The following CTU1 variants were observed in gnomAD, a reference collection of about 807,000 sequenced individuals.
CTU1 encodes the protein cytosolic thiouridylase subunit 1.
Under a neutral mutation model 12.9 loss-of-function variants are expected in CTU1, and 15 were observed. That is an observed-to-expected ratio of 1.16 (90% CI 0.78 to 1.79). The LOEUF (loss-of-function observed/expected upper bound fraction) is 1.79, where lower values mean the gene tolerates loss of function less well. Ranked by LOEUF, CTU1 falls within the 40% of genes most tolerant of loss-of-function variation. The pLI, the probability that CTU1 is intolerant of heterozygous loss-of-function variation, is 0.00. For synonymous variants in CTU1, 295 were observed against 275.6 expected, an observed-to-expected ratio of 1.07 and a Z score of -0.70; for missense variants, 553 against 550.5, an observed-to-expected ratio of 1.00 and a Z score of -0.05.
rs2091896322 is a variant in CTU1, at chr19:51,098,355, C to G, written c.*246G>C. 3 of 305,406 alleles carry G rather than the reference C, an allele frequency of 9.8e-6. No individual in the cohort carries two copies. In the East Asian group the frequency reaches 1.6e-4, roughly 16 times the overall value. The allele number at this position is 305,406 out of a possible 1,614,324, so 18.9% of individuals were successfully genotyped here. A position where few individuals can be genotyped will look rare whatever the true frequency, so the allele number is the denominator to read the frequency against. ...CTAGGCTTAGTCCTGGCCCTCTCCT[C>G]TCTCAGACCTAGGATGGTCCCCCAG... On this transcript the variant is annotated 3_prime_UTR_variant, in exon 3 of 3. Coordinates refer to ENST00000421832, the MANE Select transcript of CTU1 (RefSeq NM_145232.4). The surrounding 1 kb of genome is among the most constrained non-coding windows in gnomAD (Gnocchi z 4.3).
chr19:51,105,037 G>C (rs902530743), intron 1 of CTU1, among the ~76,000 whole-genome samples: 4 of 152,170 alleles, frequency 2.6e-5, no homozygotes, highest in African/African-American at 9.7e-5. Context: ...AAGCCCTTGG[G>C]AGGTGAGGGG....
chr19:51,103,955 G>A (rs1226382010), intron 2 of CTU1, 107 bp downstream of exon 2: 31 of 1,182,546 alleles, frequency 2.6e-5, no homozygotes, highest in Admixed American at 8.1e-5. Context: ...TCTCCTCGCC[G>A]CCTTCTGGAG....
In CTU1 at chr19:51,108,018, G is replaced by C. The variant is rs2091924602; in HGVS notation, c.-22+329C>G. On this transcript the variant is annotated intron_variant, in intron 1 of 2. Coordinates refer to ENST00000421832, the MANE Select transcript of CTU1 (RefSeq NM_145232.4). This position sits in a 1 kb window ranked among gnomAD's most constrained non-coding sequence, Gnocchi z 4.5. ...GAGGGAATAATAAGTGCTCCCAGAA[G>C]AGAGGCCGCGGACCCCAGGGATGCC... Among the ~76,000 whole-genome samples the C allele has an allele frequency of 6.6e-6, 1 of 152,146 alleles. No individual in the cohort carries two copies. Among genetic ancestry groups the C allele is most frequent in the Non-Finnish European group, 1.5e-5 (1 of 68,028 alleles).
Position 51,100,996 on chromosome 19 carries a change from G to A in CTU1, c.509-1857C>T, listed in dbSNP as rs531020140. On this transcript the variant is annotated intron_variant, in intron 2 of 2. Transcript: ENST00000421832. ...GTCTCACTTTAGTGCCCAGGCTGGAGGACAGTGGCACGATCTCAGCTCACT... is the reference window on the plus strand; with the variant it reads ...GTCTCACTTTAGTGCCCAGGCTGGAAGACAGTGGCACGATCTCAGCTCACT... 1.3e-4 allele frequency among the ~76,000 whole-genome samples: 20 copies of A among 151,570 alleles called. No individual in the cohort carries two copies. In the South Asian group the frequency reaches 4.2e-3, roughly 32 times the overall value.
chr19:51,104,242 C>T lies in CTU1; in HGVS notation c.328G>A (p.Glu110Lys), dbSNP rs1331036455. 1 of 1,511,132 alleles carries T rather than the reference C, an allele frequency of 6.6e-7. No homozygotes were observed. Among genetic ancestry groups the T allele is most frequent in the Non-Finnish European group, 8.8e-7 (1 of 1,136,088 alleles). 93.6% of individuals were successfully genotyped at this position (1,511,132 alleles called of 1,614,324 possible). The change falls in exon 2 of 3, where the codon GAG becomes AAG. Residue 110 changes from glutamate to lysine, a missense_variant. Coordinates refer to ENST00000421832, the MANE Select transcript of CTU1 (RefSeq NM_145232.4). The part of the protein sequence containing the change: ...AAVRRQAARW[E>K]LPLTVVAYED... Reference sequence around the variant, plus strand: ...TAGGCCACGACCGTGAGCGGCAGCTCCCAGCGCGCCGCCTGGCGCCGCACG... The same window carrying T: ...TAGGCCACGACCGTGAGCGGCAGCTTCCAGCGCGCCGCCTGGCGCCGCACG...
intron 1 of CTU1, among the ~76,000 whole-genome samples, chr19:51,107,375 G>A (rs2091923125): frequency 6.6e-6 from 1 of 152,182 alleles, no homozygotes. Context: ...AAGGCAGGAG[G>A]ATCACTTGAG....
intron 1 of CTU1, among the ~76,000 whole-genome samples, chr19:51,106,219 C>T (rs1180076816): frequency 6.6e-6 from 1 of 152,210 alleles, no homozygotes; most frequent in East Asian, 1.9e-4. Context: ...ACTCTGACAC[C>T]TGAGGAATAC....
chr19:51,107,417 TCG>T (rs2091923221), intron 1 of CTU1, among the ~76,000 whole-genome samples: 1 of 152,136 alleles, frequency 6.6e-6, no homozygotes, highest in Non-Finnish European at 1.5e-5. Context: ...TGAGCCATGA[TCG>T]CACCAGTGCA....
chr19:51,102,321 C>T (rs2091909286), intron 2 of CTU1, among the ~76,000 whole-genome samples: 1 of 152,202 alleles, frequency 6.6e-6, no homozygotes, highest in Non-Finnish European at 1.5e-5. Context: ...TCATTCTTTC[C>T]ATACACTGTC....
chr19:51,105,442 A>C (rs1334254408), intron 1 of CTU1, among the ~76,000 whole-genome samples: 1 of 151,874 alleles, frequency 6.6e-6, no homozygotes, highest in Non-Finnish European at 1.5e-5. Flanking sequence ...CCAACCCTCC[A>C]GTCAAATCCT....
chr19:51,105,239 C>T (rs537959770), intron 1 of CTU1, among the ~76,000 whole-genome samples: 8 of 152,260 alleles, frequency 5.3e-5, no homozygotes, highest in African/African-American at 1.9e-4. Flanking sequence ...GATCACACCT[C>T]TCAGGAGACC....
In CTU1 at chr19:51,098,585, G is replaced by A. The variant is rs968612245; in HGVS notation, c.*16C>T. 3.2e-6 allele frequency: 4 copies of A among 1,260,720 alleles called. No homozygotes were observed. In the East Asian group the frequency reaches 9.5e-5, roughly 30 times the overall value. The allele number at this position is 1,260,720 out of a possible 1,614,324, so 78.1% of individuals were successfully genotyped here. A position where few individuals can be genotyped will look rare whatever the true frequency, so the allele number is the denominator to read the frequency against. On this transcript the variant is annotated 3_prime_UTR_variant, in exon 3 of 3. Coordinates refer to ENST00000421832, the MANE Select transcript of CTU1 (RefSeq NM_145232.4). The surrounding 1 kb of genome is among the most constrained non-coding windows in gnomAD (Gnocchi z 4.3). Reference sequence around the variant, plus strand: ...CCACCCCGCGGCATCAGATCCCGGCGGGAGGCCCGAAGTCGCTAGAAGGTG... The same window carrying A: ...CCACCCCGCGGCATCAGATCCCGGCAGGAGGCCCGAAGTCGCTAGAAGGTG...
At chr19:51,106,904 A>G (rs779489316) in intron 1 of CTU1, among the ~76,000 whole-genome samples, 58 of 152,086 alleles carry the variant, frequency 3.8e-4, no homozygotes, top group Non-Finnish European at 6.6e-4. Context: ...CACCTTAAAG[A>G]TGTTCAGACC....
At chr19:51,107,119 C>T (rs760701166) in intron 1 of CTU1, among the ~76,000 whole-genome samples, 29 of 152,232 alleles carry the variant, frequency 1.9e-4, no homozygotes, top group Non-Finnish European at 3.8e-4. Flanking sequence ...GGAAGGGAGA[C>T]GCTCGCAGGG....
intron 2 of CTU1, among the ~76,000 whole-genome samples, chr19:51,102,344 G>GT (rs1246338463): frequency 6.6e-6 from 1 of 152,180 alleles, no homozygotes; most frequent in African/African-American, 2.4e-5. Context: ...CTCTTGTATG[G>GT]TAAGGATTAT....
In CTU1 at chr19:51,104,103, TC is replaced by T; in HGVS notation, c.466del (p.Glu156ArgfsTer13). On this transcript the variant is annotated frameshift_variant, in exon 2 of 3. Coordinates refer to ENST00000421832, the MANE Select transcript of CTU1 (RefSeq NM_145232.4). LOFTEE classifies it high-confidence loss of function. ...GGCTCCCACGCGGCGCGCCCCTTCC[TC>T]CAGCGCCCGGCGCCGCAGCACTCCA... The part of the protein sequence containing the change: ...FCGVLRRRAL[E>X]EGARRVGATH... The T allele has an allele frequency of 6.8e-7, 1 of 1,477,756 alleles. No homozygotes were observed. Among genetic ancestry groups the T allele is most frequent in the East Asian group, 2.6e-5 (1 of 38,780 alleles). 91.5% of individuals were successfully genotyped at this position (1,477,756 alleles called of 1,614,324 possible).
intron 2 of CTU1, among the ~76,000 whole-genome samples, chr19:51,102,302 C>A (rs900158490): frequency 6.6e-6 from 1 of 152,158 alleles, no homozygotes; most frequent in African/African-American, 2.4e-5. Flanking sequence ...TGTGCCCGGC[C>A]GAAGCCTTTC....
intron 1 of CTU1, among the ~76,000 whole-genome samples, chr19:51,106,414 T>C (rs2091920735): frequency 6.6e-6 from 1 of 152,286 alleles, no homozygotes; most frequent in Middle Eastern, 3.4e-3. Context: ...TGCTCCTGGA[T>C]TTCCTGCTCA....
intron 1 of CTU1, 51 bp from the exon 2 acceptor site, chr19:51,104,641 G>T (rs2091915946): frequency 8.4e-7 from 1 of 1,196,414 alleles, no homozygotes; most frequent in Non-Finnish European, 1.0e-6. Context: ...CGGATTGCAG[G>T]GTCCCTGCCA....
Sources: allele counts gnomAD v4.1 joint callset (sites outside exome capture counted in the v4.1 genomes callset), GRCh38; gene constraint gnomAD v4.1.1; non-coding constraint Gnocchi (gnomAD v3.1); transcripts MANE v1.5; gene names NCBI Gene and HGNC (gene_info 2026-07-23, HGNC 2026-07-21).